ARPC1B: variants seen among roughly 807,000 people sequenced by gnomAD.
The protein encoded by ARPC1B is actin-related protein 2/3 complex subunit 1B.
In ARPC1B, 29 loss-of-function variants were observed where a neutral mutation model predicts 46.0. That is an observed-to-expected ratio of 0.63 (90% CI 0.47 to 0.86). The LOEUF (loss-of-function observed/expected upper bound fraction) is 0.86. Ranked by LOEUF, ARPC1B falls within the 40% of genes least tolerant of loss-of-function variation. ARPC1B has a pLI of 0.00. For missense variants in ARPC1B, 469 were observed against 529.4 expected (o/e 0.89, Z 1.12); for synonymous variants, 201 against 213.9 (o/e 0.94, Z 0.53).
intron 4 of ARPC1B, chr7:99,389,702 A>T: frequency 1.7e-6 from 1 of 575,468 alleles, no homozygotes; most frequent in Admixed American, 3.0e-5. Context: ...GAGGGCACAG[A>T]GTTCCCACTC....
chr7:99,394,557 T>C lies in ARPC1B; in HGVS notation c.*68T>C. The C allele has an allele frequency of 6.2e-7, 1 of 1,611,718 alleles. No individual in the cohort carries two copies. Among genetic ancestry groups the C allele is most frequent in the East Asian group, 2.2e-5 (1 of 44,862 alleles). On this transcript the variant is annotated 3_prime_UTR_variant, in exon 10 of 10. Transcript: ENST00000646101. ...CGGGGAGAGGGGTCAGGGAGGCTAA[T>C]GGTTGCTTTGCTGAATGTTTCTGGG...
intron 4 of ARPC1B, among the ~76,000 whole-genome samples, 164 bp downstream of exon 4, chr7:99,388,425 C>T (rs1794464489): frequency 6.6e-6 from 1 of 152,152 alleles, no homozygotes; most frequent in African/African-American, 2.4e-5. Flanking sequence ...GGCCTCTCTG[C>T]AGCGTCCGGA....
intron 1 of ARPC1B, among the ~76,000 whole-genome samples, chr7:99,382,447 G>A (rs1794258619): frequency 6.6e-6 from 1 of 150,816 alleles, no homozygotes; most frequent in Non-Finnish European, 1.5e-5. Flanking sequence ...GAGCTGGCAA[G>A]GAGGGAGTAT....
intron 1 of ARPC1B, chr7:99,377,258 C>G (rs1376101359): frequency 1.3e-5 from 2 of 152,014 alleles, no homozygotes; most frequent in African/African-American, 4.8e-5. Flanking sequence ...CTTGGCCTCC[C>G]AAAGTGCTGG....
intron 1 of ARPC1B, among the ~76,000 whole-genome samples, chr7:99,383,874 T>G (rs1006742716): frequency 3.9e-5 from 6 of 152,062 alleles, no homozygotes; most frequent in African/African-American, 1.4e-4. Context: ...TCGTGGTTCC[T>G]CCTCATAGAG....
intron 7 of ARPC1B, among the ~76,000 whole-genome samples, chr7:99,391,572 C>T (rs1287530891): frequency 6.6e-6 from 1 of 152,006 alleles, no homozygotes; most frequent in African/African-American, 2.4e-5. Context: ...CAGTGTGAGA[C>T]CCTTGTCTCT....
chr7:99,375,077 G>C (rs2150882697), intron 1 of ARPC1B, among the ~76,000 whole-genome samples: 1 of 146,134 alleles, frequency 6.8e-6, no homozygotes, highest in African/African-American at 2.8e-5. Flanking sequence ...CGCAGGGCCA[G>C]ACTGTGGAAA....
Position 99,392,865 on chromosome 7 carries a change from G to C in ARPC1B, c.978G>C (p.Lys326Asn). The change falls in exon 8 of 10, where the codon AAG becomes AAC. Residue 326 changes from lysine to asparagine, a missense_variant. Transcript: ENST00000646101. ...AAGAGLDSLH[K>N]NSVSQISVLS... Reference sequence around the variant, plus strand: ...GCGCGGGCCTAGACTCGCTGCACAAGAACAGCGTCAGGTGAGAGCGGGAGC... The same window carrying C: ...GCGCGGGCCTAGACTCGCTGCACAACAACAGCGTCAGGTGAGAGCGGGAGC... 6.5e-7 allele frequency: 1 copy of C among 1,545,442 alleles called. No individual in the cohort carries two copies. Among genetic ancestry groups the C allele is most frequent in the Non-Finnish European group, 8.7e-7 (1 of 1,143,568 alleles).
chr7:99,389,877 T>A (rs970890716), intron 4 of ARPC1B, 28 bp from the exon 5 acceptor site: 2 of 1,594,440 alleles, frequency 1.3e-6, no homozygotes, highest in African/African-American at 2.7e-5. Context: ...TGTCCCTCTC[T>A]CCCTGTCTGC....
intron 5 of ARPC1B, among the ~76,000 whole-genome samples, chr7:99,390,350 C>G (rs1794531382): frequency 6.6e-6 from 1 of 151,936 alleles, no homozygotes; most frequent in South Asian, 2.1e-4. Context: ...AGCAAGACTA[C>G]CACGCCCAGC....
intron 8 of ARPC1B, among the ~76,000 whole-genome samples, chr7:99,393,088 G>A (rs1163137297): frequency 6.6e-6 from 1 of 152,252 alleles, no homozygotes; most frequent in African/African-American, 2.4e-5. Flanking sequence ...GGACGGGGCC[G>A]ATTTGTGGGC....
chr7:99,388,497 C>G (rs1332622603), intron 4 of ARPC1B, among the ~76,000 whole-genome samples: 1 of 152,174 alleles, frequency 6.6e-6, no homozygotes, highest in Admixed American at 6.6e-5. Flanking sequence ...CTCACTAAGC[C>G]CTGCACACAC....
At chr7:99,389,732 C>A in intron 4 of ARPC1B, 173 bp from the exon 5 acceptor site, 1 of 641,718 alleles carries the variant, frequency 1.6e-6, no homozygotes, top group South Asian at 1.8e-5. Flanking sequence ...CACAGCACAT[C>A]CCTGCCGCCC....
rs1466695629 is a variant in ARPC1B, at chr7:99,392,662, T to G, written c.784-9T>G. The G allele has an allele frequency of 2.0e-6, 3 of 1,500,882 alleles. No homozygotes were observed. Among genetic ancestry groups the G allele is most frequent in the Non-Finnish European group, 2.7e-6 (3 of 1,118,642 alleles). 93.0% of individuals were successfully genotyped at this position (1,500,882 alleles called of 1,614,324 possible). On this transcript the variant is annotated splice_polypyrimidine_tract_variant and intron_variant, in intron 7 of 9. Coordinates refer to ENST00000646101, the MANE Select transcript of ARPC1B (RefSeq NM_005720.4). ...CGCGGCGCTCCAATGGCCCCCGCCC[T>G]CCGCGCAGGGCCACGACTGCTTCCC...
intron 1 of ARPC1B, among the ~76,000 whole-genome samples, chr7:99,381,423 T>C (rs1794218158): frequency 6.6e-6 from 1 of 152,126 alleles, no homozygotes; most frequent in Non-Finnish European, 1.5e-5. Context: ...CATGTGTGTG[T>C]GCAAGGCTTA....
intron 1 of ARPC1B, among the ~76,000 whole-genome samples, chr7:99,383,358 C>T (rs539903980): frequency 3.3e-5 from 5 of 152,224 alleles, no homozygotes; most frequent in East Asian, 1.9e-4. Context: ...TTTCTGAGAA[C>T]GTACTCTGTT....
chr7:99,378,926 G>A (rs1437882644), intron 1 of ARPC1B, among the ~76,000 whole-genome samples: 2 of 150,854 alleles, frequency 1.3e-5, no homozygotes, highest in South Asian at 2.1e-4. Flanking sequence ...ACAGGCGCCC[G>A]CCACCACGCC....
In ARPC1B at chr7:99,392,871, C is replaced by T. The variant is rs1357228506; in HGVS notation, c.984C>T (p.Ser328=). 3 of 1,541,018 alleles carry T rather than the reference C, an allele frequency of 1.9e-6. No homozygotes were observed. Among genetic ancestry groups the T allele is most frequent in the East Asian group, 4.9e-5 (2 of 40,680 alleles). ...GCCTAGACTCGCTGCACAAGAACAG[C>T]GTCAGGTGAGAGCGGGAGCCGGGCC... is the stretch of plus-strand genomic sequence containing the variant. The part of the protein sequence containing the change: ...GAGLDSLHKN[S]VSQISVLSGG... The change falls in exon 8 of 10, where the codon AGC becomes AGT. Residue 328 remains serine, a synonymous_variant. Coordinates refer to ENST00000646101, the MANE Select transcript of ARPC1B (RefSeq NM_005720.4).
rs773085531 is a variant in ARPC1B, at chr7:99,394,779, T to TA, written c.*312dup. On this transcript the variant is annotated 3_prime_UTR_variant, in exon 10 of 10. Transcript: ENST00000646101. ...GTGGAGGTAATAAAATGCAACTGTG[T>TA]AAAAAAAAAAAAAAAAAAAAAAGTA... 0.13 allele frequency: 119,260 copies of TA among 935,044 alleles called. 1,494 individuals carry two copies. Among genetic ancestry groups the TA allele is most frequent in the South Asian group, 0.22 (4,096 of 18,284 alleles). The allele number at this position is 935,044 out of a possible 1,614,324, so 57.9% of individuals were successfully genotyped here. A position where few individuals can be genotyped will look rare whatever the true frequency, so the allele number is the denominator to read the frequency against.
Sources: gnomAD v4.1 joint callset for allele counts (sites outside exome capture counted in the v4.1 genomes callset) on GRCh38, gnomAD v4.1.1 for gene constraint, MANE v1.5 for transcripts, NCBI Gene and HGNC (gene_info 2026-07-23, HGNC 2026-07-21) for gene names.